TTLL6: variants seen among roughly 807,000 people sequenced by gnomAD.
TTLL6 encodes the protein tubulin tyrosine ligase like 6, also known as tubulin polyglutamylase TTLL6.
TTLL6 carries 75 observed loss-of-function variants against 96.4 expected under a neutral mutation model. The observed-to-expected ratio is 0.78, with a 90% CI of 0.65 to 0.94. The LOEUF (loss-of-function observed/expected upper bound fraction) is 0.94. Among genes scored for constraint, TTLL6 ranks in the 40% least tolerant of loss-of-function variants. TTLL6 has a pLI of 0.00. For missense variants in TTLL6, 1,030 were observed against 1,093.0 expected, an observed-to-expected ratio of 0.94 and a Z score of 0.81; for synonymous variants, 411 against 419.4, an observed-to-expected ratio of 0.98 and a Z score of 0.24.
chr17:48,783,374 G>A (rs981708262), intron 13 of TTLL6, among the ~76,000 whole-genome samples: 3 of 151,852 alleles, frequency 2.0e-5, no homozygotes, highest in South Asian at 2.1e-4. Context: ...TGGCAACTTC[G>A]TTTCTGCAAA....
At chr17:48,763,652 T>A (rs2038533196) in intron 15 of TTLL6, among the ~76,000 whole-genome samples, 1 of 151,796 alleles carries the variant, frequency 6.6e-6, no homozygotes, top group African/African-American at 2.4e-5. Flanking sequence ...CATCCAAACA[T>A]TAGCCAGGAA....
At chr17:48,800,083 C>T (rs965678815) in intron 5 of TTLL6, 11 of 248,746 alleles carry the variant, frequency 4.4e-5, no homozygotes, top group Non-Finnish European at 8.7e-5. Flanking sequence ...TCCTGTGGTG[C>T]CTAGTTGCAT....
At chr17:48,799,557 C>T (rs1161387899) in intron 6 of TTLL6, 47 bp downstream of exon 6, 1 of 1,531,670 alleles carries the variant, frequency 6.5e-7, no homozygotes, top group East Asian at 2.5e-5. Flanking sequence ...GAGCTAAAGT[C>T]CGCGGTTGCT....
At chr17:48,797,520 C>T (rs539646993) in intron 6 of TTLL6, among the ~76,000 whole-genome samples, 1 of 152,254 alleles carries the variant, frequency 6.6e-6, no homozygotes, top group African/African-American at 2.4e-5. Flanking sequence ...GGCGTGGTGG[C>T]TCATGCCTGT....
In TTLL6 at chr17:48,768,907, C is replaced by T. The variant is rs2038672539; in HGVS notation, c.*82G>A. 4.2e-6 allele frequency: 6 copies of T among 1,429,604 alleles called. No homozygotes were observed. In the Admixed American group the frequency reaches 1.1e-4, roughly 26 times the overall value. The allele number at this position is 1,429,604 out of a possible 1,614,324, so 88.6% of individuals were successfully genotyped here. On this transcript the variant is annotated intron_variant, in intron 15 of 15. Transcript: ENST00000393382. ...GTATGTCTTTATCAATCCATCCATC[C>T]TCCTACCTACCCAACATTCCAGAAA...
intron 1 of TTLL6, among the ~76,000 whole-genome samples, chr17:48,809,387 C>G (rs534654634): frequency 1.3e-5 from 2 of 152,286 alleles, no homozygotes; most frequent in African/African-American, 4.8e-5. Flanking sequence ...CCCTCCGCAA[C>G]GGCTCCTATG....
intron 1 of TTLL6, among the ~76,000 whole-genome samples, chr17:48,806,568 A>C (rs1011805086): frequency 3.3e-5 from 5 of 152,106 alleles, no homozygotes; most frequent in Admixed American, 3.3e-4. Flanking sequence ...CTCCCTCACA[A>C]ATTCTTTGGA....
chr17:48,767,764 G>A (rs946967036), intron 15 of TTLL6, among the ~76,000 whole-genome samples: 6 of 152,138 alleles, frequency 3.9e-5, no homozygotes, highest in African/African-American at 1.4e-4. Flanking sequence ...AAGTTCAGAC[G>A]GAGGGCATCT....
intron 1 of TTLL6, among the ~76,000 whole-genome samples, chr17:48,810,139 CAAA>C (rs59291777): frequency 2.6e-4 from 16 of 61,676 alleles, no homozygotes; most frequent in South Asian, 5.2e-4. Context: ...AACTCTGTCT[CAAA>C]AAAAAAAAAA....
chr17:48,790,210 G>T, intron 9 of TTLL6, 104 bp from the exon 10 acceptor site: 2 of 1,234,022 alleles, frequency 1.6e-6, no homozygotes, highest in Non-Finnish European at 2.3e-6. Flanking sequence ...CCACCTCAGG[G>T]CCCTCACTAC....
chr17:48,790,979 T>C (rs1227816976), intron 9 of TTLL6, among the ~76,000 whole-genome samples: 2 of 152,076 alleles, frequency 1.3e-5, no homozygotes, highest in African/African-American at 2.4e-5. Flanking sequence ...TCTCTGCTGG[T>C]GTGTGTGAAC....
At chr17:48,786,831 CTTTTTTTT>C (rs11446945) in intron 11 of TTLL6, among the ~76,000 whole-genome samples, 2 of 122,508 alleles carry the variant, frequency 1.6e-5, no homozygotes, top group African/African-American at 3.1e-5. Flanking sequence ...CTTCTGTCAT[CTTTTTTTT>C]TTTTTTTTTT....
In TTLL6 at chr17:48,770,086, G is replaced by C. The variant is rs199679267; in HGVS notation, c.2052C>G (p.Ser684=). 1.6e-5 allele frequency: 26 copies of C among 1,604,784 alleles called. No homozygotes were observed. Among genetic ancestry groups the C allele is most frequent in the African/African-American group, 2.7e-5 (2 of 74,586 alleles). ...NVFTGTVHLT[S]VETTPESTTQ... is the part of the protein sequence containing the mutation. ...TGGTGGATTCTGGGGTGGTTTCTAC[G>C]GAGGTTAAGTGCTGGAAGAAAAGAC... Residue 684 remains serine (S), a synonymous_variant, in exon 14 of 16, where the codon TCC becomes TCG. Transcript: ENST00000393382.
At chr17:48,776,188 T>C (rs1048041642) in intron 13 of TTLL6, among the ~76,000 whole-genome samples, 2 of 152,230 alleles carry the variant, frequency 1.3e-5, no homozygotes, top group African/African-American at 2.4e-5. Context: ...AAGTCTAGGC[T>C]GGGCGCAGTA....
At chr17:48,815,026 C>T (rs1402138053) in intron 1 of TTLL6, among the ~76,000 whole-genome samples, 1 of 152,182 alleles carries the variant, frequency 6.6e-6, no homozygotes, top group East Asian at 1.9e-4. Flanking sequence ...TATCAGCCCA[C>T]CTCAGCCTCC....
In TTLL6 at chr17:48,786,218, G is replaced by T. The variant is rs1281005372; in HGVS notation, c.1707C>A (p.Gly569=). The T allele has an allele frequency of 6.2e-7, 1 of 1,614,052 alleles. No individual in the cohort carries two copies. The highest frequency in any genetic ancestry group is 8.5e-7 in the Non-Finnish European group (1 of 1,180,042). The part of the protein sequence containing the change: ...GEQVRKKGMR[G]WQQKQQQKDK... ...CTTTCTGCTGTTGTTTCTGTTGCCA[G>T]CCCCTCATGCCCTTCTTTCTCACTT... Residue 569 remains glycine (G), a synonymous_variant, in exon 12 of 16, where the codon GGC becomes GGA. Transcript: ENST00000393382.
At chr17:48,815,784 G>C (rs2039659510) in intron 1 of TTLL6, 1 of 152,236 alleles carries the variant, frequency 6.6e-6, no homozygotes, top group Non-Finnish European at 1.5e-5. Context: ...CAAGTCACCT[G>C]TAGTGGGAAC....
At chr17:48,797,787 CAAAAAAA>C (rs58265844) in intron 6 of TTLL6, among the ~76,000 whole-genome samples, 2 of 58,634 alleles carry the variant, frequency 3.4e-5, no homozygotes, top group African/African-American at 6.3e-5. Context: ...AACTCCATCT[CAAAAAAA>C]AAAAAAAAAA....
intron 1 of TTLL6, among the ~76,000 whole-genome samples, chr17:48,813,597 T>C (rs1304343903): frequency 1.3e-5 from 2 of 152,204 alleles, no homozygotes; most frequent in East Asian, 1.9e-4. Flanking sequence ...AAATAATCAG[T>C]TGGTCCCACA....
Sources: allele counts gnomAD v4.1 joint callset (sites outside exome capture counted in the v4.1 genomes callset), GRCh38; gene constraint gnomAD v4.1.1; transcripts MANE v1.5; gene names NCBI Gene and HGNC (gene_info 2026-07-23, HGNC 2026-07-21).